The following CDH13 variants were observed in gnomAD, a reference collection of about 807,000 sequenced individuals.
The protein encoded by CDH13 is cadherin 13.
A neutral mutation model predicts 63.8 loss-of-function variants in CDH13; 24 were observed. That is an observed-to-expected ratio of 0.38 (90% CI 0.27 to 0.53). The LOEUF (loss-of-function observed/expected upper bound fraction) is 0.53, where lower values mean the gene tolerates loss of function less well. Ranked by LOEUF, CDH13 falls within the 20% of genes least tolerant of loss-of-function variation. The probability of loss-of-function intolerance (pLI) is 0.85; values close to 1 mark genes in which losing one functional copy is unlikely to be tolerated. For synonymous variants in CDH13, 503 were observed against 355.3 expected (o/e 1.42, Z -4.67); for missense variants, 1,049 against 903.1 (o/e 1.16, Z -2.07).
intron 1 of CDH13, among the ~76,000 whole-genome samples, chr16:82,829,090 TG>T (rs1443481615): frequency 6.6e-6 from 1 of 152,134 alleles, no homozygotes; most frequent in Non-Finnish European, 1.5e-5. Flanking sequence ...GGGTGGTCCA[TG>T]GAGACTGGTT....
At chr16:82,686,890 T>G (rs1218807166) in intron 1 of CDH13, among the ~76,000 whole-genome samples, 2 of 152,226 alleles carry the variant, frequency 1.3e-5, no homozygotes, top group African/African-American at 2.4e-5. Flanking sequence ...AACAGGAGAA[T>G]TCTTCCTTGG....
chr16:83,429,788 A>T (rs2072037511), intron 6 of CDH13, among the ~76,000 whole-genome samples: 1 of 152,178 alleles, frequency 6.6e-6, no homozygotes, highest in Non-Finnish European at 1.5e-5. Flanking sequence ...TGGTAAGAAC[A>T]CTTAACATGA....
rs561925729 is a variant in CDH13 at position 83,595,370 on chromosome 16, T to A, written c.961-7084T>A. On this transcript the variant is annotated intron_variant, in intron 7 of 13. Coordinates refer to ENST00000567109, the MANE Select transcript of CDH13 (RefSeq NM_001257.5). ...ATCGCCCACCTTGTGTGCTGACTAC[T>A]GGCTAGGTGTTGCAGCCAAAGGCAT... 5.3e-5 allele frequency among the ~76,000 whole-genome samples: 8 copies of A among 152,372 alleles called. No homozygotes were observed. In the South Asian group the frequency reaches 1.7e-3, roughly 32 times the overall value.
At chr16:83,005,516 A>G (rs940817662) in intron 2 of CDH13, among the ~76,000 whole-genome samples, 2 of 152,260 alleles carry the variant, frequency 1.3e-5, no homozygotes, top group East Asian at 3.9e-4. Context: ...CAGATGCCCA[A>G]TTTCTGTGTA....
intron 7 of CDH13, among the ~76,000 whole-genome samples, chr16:83,526,170 C>T (rs535437365): frequency 6.6e-6 from 1 of 152,314 alleles, no homozygotes; most frequent in South Asian, 2.1e-4. Context: ...TTCGAACCAG[C>T]TTCAAAGGTC....
chr16:83,417,000 T>G (rs1163640566), intron 6 of CDH13, among the ~76,000 whole-genome samples: 1 of 152,232 alleles, frequency 6.6e-6, no homozygotes, highest in African/African-American at 2.4e-5. Context: ...TTAAAATCAG[T>G]AATATTATTG....
chr16:82,882,056 G>T lies in CDH13; in HGVS notation c.157+23583G>T, dbSNP rs569922668. Among the ~76,000 whole-genome samples the T allele has an allele frequency of 7.2e-5, 11 of 151,982 alleles. No individual in the cohort carries two copies. In the South Asian group the frequency reaches 2.1e-3, roughly 29 times the overall value. On this transcript the variant is annotated intron_variant, in intron 2 of 13. Transcript: ENST00000567109. ...TGCATCTATGTTTTTATTAATTTAG[G>T]TATGAGTGAGTCCTCAGCTCAGTCT... is the stretch of plus-strand genomic sequence containing the variant.
intron 5 of CDH13, among the ~76,000 whole-genome samples, chr16:83,261,962 G>A (rs537344476): frequency 4.3e-4 from 66 of 152,192 alleles, no homozygotes; most frequent in African/African-American, 1.4e-3. Flanking sequence ...GTTCCATTCC[G>A]GAGTCACTGC....
intron 11 of CDH13, among the ~76,000 whole-genome samples, chr16:83,775,911 G>T (rs1361861285): frequency 6.6e-6 from 1 of 152,076 alleles, no homozygotes; most frequent in African/African-American, 2.4e-5. Flanking sequence ...ATACTTAGAA[G>T]CCCCTATATT....
At chr16:82,637,857 G>C (rs1043185527) in intron 1 of CDH13, 3 of 152,198 alleles carry the variant, frequency 2.0e-5, no homozygotes, top group African/African-American at 7.2e-5. Flanking sequence ...AGTCCACCTG[G>C]GGCCCGTGTC....
At chr16:83,380,395 C>T (rs2091540633) in intron 6 of CDH13, among the ~76,000 whole-genome samples, 2 of 152,036 alleles carry the variant, frequency 1.3e-5, no homozygotes, top group African/African-American at 4.8e-5. Flanking sequence ...ACTGTCAGCC[C>T]ATTCATTCTA....
At chr16:83,390,595 A>G (rs937039770) in intron 6 of CDH13, among the ~76,000 whole-genome samples, 2 of 152,062 alleles carry the variant, frequency 1.3e-5, no homozygotes, top group Non-Finnish European at 2.9e-5. Context: ...TATTATCAAC[A>G]AGAATATGCC....
chr16:82,986,186 G>A (rs189071992), intron 2 of CDH13, among the ~76,000 whole-genome samples: 47 of 152,290 alleles, frequency 3.1e-4, no homozygotes, highest in African/African-American at 1.1e-3. Context: ...GTTCAGCCAG[G>A]CACTCTGTAG....
intron 1 of CDH13, among the ~76,000 whole-genome samples, chr16:82,746,621 A>G (rs191821947): frequency 6.6e-6 from 1 of 152,264 alleles, no homozygotes; most frequent in East Asian, 1.9e-4. Flanking sequence ...ACCAAGAGGC[A>G]TACTAGAAGA....
chr16:82,641,640 C>G (rs1326562350), intron 1 of CDH13, among the ~76,000 whole-genome samples: 7 of 152,168 alleles, frequency 4.6e-5, no homozygotes, highest in Admixed American at 2.6e-4. Flanking sequence ...AAGGAATCAA[C>G]TATGGATGTT....
chr16:83,508,055 AGAAGGAAGGAAGGAAG>A (rs370660181), intron 7 of CDH13, among the ~76,000 whole-genome samples: 10 of 58,296 alleles, frequency 1.7e-4, no homozygotes, highest in African/African-American at 3.9e-4. Flanking sequence ...GAGAAAGAGA[AGAAGGAAGGAAGGAAG>A]GAAGGAAGGA....
intron 4 of CDH13, among the ~76,000 whole-genome samples, chr16:83,128,772 C>T (rs1201526815): frequency 6.6e-6 from 1 of 152,112 alleles, no homozygotes; most frequent in Non-Finnish European, 1.5e-5. Flanking sequence ...TGTTTTTTTA[C>T]TTATTACAGC....
At chr16:82,963,987 C>T (rs185774170) in intron 2 of CDH13, among the ~76,000 whole-genome samples, 6 of 152,300 alleles carry the variant, frequency 3.9e-5, no homozygotes, top group African/African-American at 7.2e-5. Context: ...GCTGTTCACA[C>T]AGGGAACACC....
intron 7 of CDH13, among the ~76,000 whole-genome samples, chr16:83,520,761 T>C (rs1476201347): frequency 6.6e-6 from 1 of 152,172 alleles, no homozygotes; most frequent in African/African-American, 2.4e-5. Context: ...AGGACGTGGC[T>C]AGCTTTTCAG....
Sources: allele counts gnomAD v4.1 joint callset (sites outside exome capture counted in the v4.1 genomes callset), GRCh38; gene constraint gnomAD v4.1.1; transcripts MANE v1.5; gene names NCBI Gene and HGNC (gene_info 2026-07-23, HGNC 2026-07-21).